Variants in PSD2 observed in about 807,000 individuals in gnomAD.
PSD2 encodes the protein pleckstrin and Sec7 domain containing 2.
PSD2 carries 38 observed loss-of-function variants against 69.8 expected under a neutral mutation model. The observed-to-expected ratio is 0.54, with a 90% CI of 0.42 to 0.71. PSD2 has a LOEUF of 0.71. Ranked by LOEUF, PSD2 falls within the 30% of genes least tolerant of loss-of-function variation. The probability of loss-of-function intolerance (pLI) is 0.00; values close to 1 mark genes in which losing one functional copy is unlikely to be tolerated. For missense variants in PSD2, 943 were observed against 1,014.5 expected, an observed-to-expected ratio of 0.93 and a Z score of 0.96; for synonymous variants, 412 against 423.0, an observed-to-expected ratio of 0.97 and a Z score of 0.32.
At chr5:139,773,964 C>T in the PSD2 span, among the ~76,000 whole-genome samples, 2 of 151,854 alleles carry the variant, frequency 1.3e-5, no homozygotes, top group East Asian at 1.9e-4. Flanking sequence ...TTTCAATGTC[C>T]CTTGATGTAA....
the PSD2 span, chr5:139,772,592 A>C: frequency 2.0e-5 from 3 of 152,332 alleles, no homozygotes; most frequent in Non-Finnish European, 2.9e-5. Context: ...ACTCATGCCC[A>C]GCACAGGGCC....
chr5:139,762,198 A>G, the PSD2 span, among the ~76,000 whole-genome samples: 2 of 152,008 alleles, frequency 1.3e-5, no homozygotes, highest in African/African-American at 4.8e-5. Flanking sequence ...GTGCACCACC[A>G]TGCCTGGCTA....
intron 4 of PSD2, among the ~76,000 whole-genome samples, chr5:139,816,879 A>G (rs1472785408): frequency 1.3e-5 from 2 of 152,110 alleles, no homozygotes; most frequent in Non-Finnish European, 2.9e-5. Flanking sequence ...CCTCGTCCTG[A>G]AGTCTCACAT....
At chr5:139,825,080 T>TC (rs1005032040) in intron 7 of PSD2, among the ~76,000 whole-genome samples, 3 of 152,160 alleles carry the variant, frequency 2.0e-5, no homozygotes, top group Admixed American at 2.0e-4. Flanking sequence ...GCTTTTGTGT[T>TC]CCATGAACAA....
intron 1 of PSD2, among the ~76,000 whole-genome samples, chr5:139,802,891 A>G (rs1348848478): frequency 6.6e-6 from 1 of 152,204 alleles, no homozygotes; most frequent in Non-Finnish European, 1.5e-5. Context: ...AGCAGAGCAC[A>G]TGCAGGATAA....
intron 1 of PSD2, among the ~76,000 whole-genome samples, chr5:139,805,586 G>A (rs1428506503): frequency 1.3e-5 from 2 of 152,172 alleles, no homozygotes; most frequent in Non-Finnish European, 1.5e-5. Flanking sequence ...GAGTGCTATG[G>A]TGCTCCATCA....
chr5:139,768,198 T>A, the PSD2 span, among the ~76,000 whole-genome samples: 1 of 151,336 alleles, frequency 6.6e-6, no homozygotes, highest in Non-Finnish European at 1.5e-5. Flanking sequence ...AGGAAGGAAG[T>A]GGGGAGGGGG....
chr5:139,783,812 C>A, the PSD2 span, among the ~76,000 whole-genome samples: 2 of 152,092 alleles, frequency 1.3e-5, no homozygotes, highest in Non-Finnish European at 2.9e-5. Flanking sequence ...CACTCAGTCT[C>A]ATTTCTCCTC....
At position 139,838,610 on chromosome 5, in the gene PSD2, T is replaced by TC. The variant is rs1030792521; in HGVS notation, c.1824-13dup. 2 of 1,605,838 alleles carry TC rather than the reference T, an allele frequency of 1.2e-6. No individual in the cohort carries two copies. Among genetic ancestry groups the TC allele is most frequent in the African/African-American group, 1.3e-5 (1 of 74,618 alleles). On this transcript the variant is annotated splice_polypyrimidine_tract_variant and intron_variant, in intron 12 of 14. Coordinates refer to ENST00000274710, the MANE Select transcript of PSD2 (RefSeq NM_032289.4). ...TCCTGTGTGAGAGGCCGGCACCCTC[T>TC]CCCCCTCCTGTCCCCAGGAGCAAGG...
At chr5:139,762,248 G>A in the PSD2 span, among the ~76,000 whole-genome samples, 2 of 151,974 alleles carry the variant, frequency 1.3e-5, no homozygotes, top group East Asian at 3.9e-4. Flanking sequence ...TCACCATGTT[G>A]GTCAGGCTGG....
At chr5:139,753,489 A>C in the PSD2 span, among the ~76,000 whole-genome samples, 1 of 152,204 alleles carries the variant, frequency 6.6e-6, no homozygotes, top group Non-Finnish European at 1.5e-5. Flanking sequence ...CCACCTAAGA[A>C]GGAATGACAG....
At chr5:139,823,143 C>T (rs1760315971) in intron 7 of PSD2, among the ~76,000 whole-genome samples, 1 of 152,236 alleles carries the variant, frequency 6.6e-6, no homozygotes, top group Non-Finnish European at 1.5e-5. Context: ...TCCCAAATCC[C>T]CGGCCCCTAC....
At chr5:139,773,409 A>T in the PSD2 span, among the ~76,000 whole-genome samples, 1 of 152,036 alleles carries the variant, frequency 6.6e-6, no homozygotes, top group Non-Finnish European at 1.5e-5. Flanking sequence ...CTACAGGCAC[A>T]CACCACCACA....
chr5:139,751,245 C>A, the PSD2 span, among the ~76,000 whole-genome samples: 1 of 152,186 alleles, frequency 6.6e-6, no homozygotes, highest in African/African-American at 2.4e-5. Flanking sequence ...GCACCTCCTG[C>A]CTGAGAGGGG....
At chr5:139,745,707 G>C in the PSD2 span, among the ~76,000 whole-genome samples, 2 of 152,236 alleles carry the variant, frequency 1.3e-5, no homozygotes, top group Non-Finnish European at 2.9e-5. Context: ...TCCCTTCAGA[G>C]CAAACCCACT....
rs189361245 is a variant in PSD2, at chr5:139,821,322, G to A, written c.1098-571G>A. 2.6e-4 allele frequency among the ~76,000 whole-genome samples: 40 copies of A among 152,344 alleles called. No individual in the cohort carries two copies. The East Asian group carries it at 7.7e-3, about 29-fold the overall frequency. On this transcript the variant is annotated intron_variant, in intron 5 of 14. Transcript: ENST00000274710. The stretch of plus-strand genomic sequence containing the variant: ...TCAGCAGGGAGGAGGATTGGGTGCA[G>A]GGGTGGCCCCGTTGTCCTGGGCACA...
the PSD2 span, among the ~76,000 whole-genome samples, chr5:139,767,175 T>C: frequency 1.3e-5 from 2 of 151,590 alleles, no homozygotes; most frequent in Non-Finnish European, 2.9e-5. Context: ...TTTGTATTTT[T>C]AGTAGAGACA....
intron 1 of PSD2, among the ~76,000 whole-genome samples, chr5:139,808,718 G>A (rs1434368810): frequency 6.6e-6 from 1 of 152,200 alleles, no homozygotes; most frequent in African/African-American, 2.4e-5. Flanking sequence ...GAGGCAGCCC[G>A]GGCTCTCTGA....
At chr5:139,745,432 A>G in the PSD2 span, among the ~76,000 whole-genome samples, 2 of 152,224 alleles carry the variant, frequency 1.3e-5, no homozygotes, top group African/African-American at 4.8e-5. Flanking sequence ...TGAGTCATCT[A>G]TGCTGAGTCG....
Sources: allele counts gnomAD v4.1 joint callset (sites outside exome capture counted in the v4.1 genomes callset), GRCh38; gene constraint gnomAD v4.1.1; transcripts MANE v1.5; gene names NCBI Gene and HGNC (gene_info 2026-07-23, HGNC 2026-07-21).